NRXN1: variants seen among roughly 807,000 people sequenced by gnomAD.
NRXN1 encodes the protein neurexin-1.
A neutral mutation model predicts 150.9 loss-of-function variants in NRXN1; 39 were observed. The observed-to-expected ratio is 0.26, with a 90% CI of 0.20 to 0.34. The LOEUF is 0.34. Ranked by LOEUF, NRXN1 falls within the 10% of genes least tolerant of loss-of-function variation. The pLI is 1.00. For synonymous variants in NRXN1, 924 were observed against 757.0 expected, an observed-to-expected ratio of 1.22 and a Z score of -3.62; for missense variants, 1,815 against 1,949.9, an observed-to-expected ratio of 0.93 and a Z score of 1.30.
rs33968907 is a variant in NRXN1 at position 50,614,733 on chromosome 2, CAAAAAA to C, written c.1320+5283_1320+5288del. Among the ~76,000 whole-genome samples the C allele has an allele frequency of 2.8e-3, 274 of 98,256 alleles. 1 individual carries two copies. Among genetic ancestry groups the C allele is most frequent in the Middle Eastern group, 8.6e-3 (1 of 116 alleles). 64.5% of individuals were successfully genotyped at this position (98,256 alleles called of 152,430 possible). On this transcript the variant is annotated intron_variant, in intron 8 of 22. Transcript: ENST00000401669. ...ACCTATTAAACTAATATCAGCCATT[CAAAAAA>C]AAAAAAAAAAAAAAAACTTGAGGAA...
intron 5 of NRXN1, among the ~76,000 whole-genome samples, chr2:50,881,714 T>C (rs1679461012): frequency 6.6e-6 from 1 of 151,836 alleles, no homozygotes; most frequent in South Asian, 2.1e-4. Context: ...TGCTTATCAA[T>C]AGATTTAAAT....
chr2:50,392,102 T>C (rs935031218), intron 17 of NRXN1, among the ~76,000 whole-genome samples: 5 of 152,128 alleles, frequency 3.3e-5, no homozygotes, highest in Admixed American at 1.3e-4. Context: ...TCATCACCAA[T>C]ACAGCCAATC....
intron 17 of NRXN1, among the ~76,000 whole-genome samples, chr2:50,434,027 T>C (rs978274082): frequency 2.0e-5 from 3 of 150,070 alleles, no homozygotes; most frequent in African/African-American, 7.4e-5. Context: ...TACTCCTTGC[T>C]TCCGGTATCT....
At chr2:50,900,312 C>T (rs1682722093) in intron 5 of NRXN1, among the ~76,000 whole-genome samples, 2 of 152,124 alleles carry the variant, frequency 1.3e-5, no homozygotes, top group Non-Finnish European at 2.9e-5. Flanking sequence ...TATCACATTA[C>T]ACTTCAACTC....
chr2:50,589,736 T>A (rs974549698), intron 8 of NRXN1, among the ~76,000 whole-genome samples: 2 of 121,600 alleles, frequency 1.6e-5, no homozygotes, highest in African/African-American at 5.7e-5. Context: ...AAAACCCAAC[T>A]GTTATAGCCA....
chr2:50,542,751 C>A (rs991627800), intron 9 of NRXN1, among the ~76,000 whole-genome samples: 1 of 152,050 alleles, frequency 6.6e-6, no homozygotes, highest in Admixed American at 6.6e-5. Context: ...AAACATGTGT[C>A]CTGAAATAGA....
intron 18 of NRXN1, among the ~76,000 whole-genome samples, chr2:50,127,397 G>A (rs1471538357): frequency 6.6e-6 from 1 of 151,942 alleles, no homozygotes; most frequent in Admixed American, 6.6e-5. Context: ...AAGAATGCTT[G>A]AAAAAGTATA....
chr2:50,578,255 T>A (rs992083678), intron 8 of NRXN1, among the ~76,000 whole-genome samples: 1 of 152,216 alleles, frequency 6.6e-6, no homozygotes, highest in African/African-American at 2.4e-5. Context: ...CTTTTTGATT[T>A]GTTCATAGCA....
chr2:50,122,036 A>G (rs1408850886), intron 18 of NRXN1, among the ~76,000 whole-genome samples: 1 of 152,244 alleles, frequency 6.6e-6, no homozygotes, highest in Non-Finnish European at 1.5e-5. Flanking sequence ...CGTTTTCATA[A>G]AAAGTCTGTT....
At chr2:49,960,281 ACTAT>A (rs1190146904) in intron 21 of NRXN1, among the ~76,000 whole-genome samples, 1 of 152,216 alleles carries the variant, frequency 6.6e-6, no homozygotes, top group Non-Finnish European at 1.5e-5. Flanking sequence ...TTTGGAAATA[ACTAT>A]CTGTGTTGCT....
intron 17 of NRXN1, among the ~76,000 whole-genome samples, chr2:50,378,487 T>G (rs2080695168): frequency 6.6e-6 from 1 of 152,094 alleles, no homozygotes; most frequent in African/African-American, 2.4e-5. Flanking sequence ...GAATTTCGGT[T>G]GCTTACCCTC....
chr2:50,043,379 AC>A (rs1691310540), intron 21 of NRXN1, among the ~76,000 whole-genome samples: 1 of 152,178 alleles, frequency 6.6e-6, no homozygotes, highest in Non-Finnish European at 1.5e-5. Flanking sequence ...TGCCATGTAG[AC>A]CCTGTCAAGA....
intron 19 of NRXN1, among the ~76,000 whole-genome samples, chr2:50,071,725 G>A (rs554274987): frequency 2.0e-5 from 3 of 152,282 alleles, no homozygotes; most frequent in East Asian, 1.9e-4. Context: ...TAATTTAAAC[G>A]TAGTTTGAAA....
intron 2 of NRXN1, among the ~76,000 whole-genome samples, chr2:50,980,540 A>T (rs965992737): frequency 6.6e-6 from 1 of 152,148 alleles, no homozygotes; most frequent in African/African-American, 2.4e-5. Context: ...AATTAGGAAT[A>T]GTAGTGATAG....
chr2:50,607,625 C>T (rs1677349506), intron 8 of NRXN1, among the ~76,000 whole-genome samples: 1 of 151,652 alleles, frequency 6.6e-6, no homozygotes, highest in Non-Finnish European at 1.5e-5. Flanking sequence ...ATACAGAATT[C>T]AGCATGAGGA....
chr2:49,949,857 T>C (rs996366402), intron 21 of NRXN1, among the ~76,000 whole-genome samples: 3 of 151,890 alleles, frequency 2.0e-5, no homozygotes, highest in Non-Finnish European at 4.4e-5. Context: ...GGTTAACTGA[T>C]GGGCACTTGT....
chr2:50,795,407 T>C (rs1172695948), intron 5 of NRXN1, among the ~76,000 whole-genome samples: 1 of 152,276 alleles, frequency 6.6e-6, no homozygotes, highest in Non-Finnish European at 1.5e-5. Context: ...CTTACTTTTA[T>C]GTTATCAACC....
At chr2:49,937,181 CCT>C (rs938065430) in intron 22 of NRXN1, among the ~76,000 whole-genome samples, 6 of 152,170 alleles carry the variant, frequency 3.9e-5, no homozygotes, top group African/African-American at 1.4e-4. Context: ...AAACTATCCC[CCT>C]GTCATGAAAA....
At chr2:50,177,224 A>G (rs1184535097) in intron 18 of NRXN1, among the ~76,000 whole-genome samples, 3 of 152,094 alleles carry the variant, frequency 2.0e-5, no homozygotes, top group South Asian at 2.1e-4. Flanking sequence ...ATTATACCCA[A>G]TAGGTAATTT....
Sources: allele counts gnomAD v4.1 joint callset (sites outside exome capture counted in the v4.1 genomes callset), GRCh38; gene constraint gnomAD v4.1.1; transcripts MANE v1.5; gene names NCBI Gene and HGNC (gene_info 2026-07-23, HGNC 2026-07-21).